Variants in PISD observed in about 807,000 individuals in gnomAD.
PISD encodes the protein phosphatidylserine decarboxylase proenzyme, mitochondrial.
Under a neutral mutation model 43.5 loss-of-function variants are expected in PISD, and 31 were observed. That is an observed-to-expected ratio of 0.71 (90% CI 0.54 to 0.96). The LOEUF (loss-of-function observed/expected upper bound fraction) is 0.96, where lower values mean the gene tolerates loss of function less well. Ranked by LOEUF, PISD falls within the 40% of genes least tolerant of loss-of-function variation. PISD has a pLI of 0.00. For synonymous variants in PISD, 259 were observed against 228.7 expected, an observed-to-expected ratio of 1.13 and a Z score of -1.20; for missense variants, 523 against 548.4, an observed-to-expected ratio of 0.95 and a Z score of 0.46.
chr22:31,646,798 T>C (rs1397871255), intron 3 of PISD, among the ~76,000 whole-genome samples: 1 of 152,198 alleles, frequency 6.6e-6, no homozygotes, highest in African/African-American at 2.4e-5. Flanking sequence ...GAGGGCAGCA[T>C]ACTTTGAAAG....
intron 3 of PISD, among the ~76,000 whole-genome samples, chr22:31,644,884 G>A (rs1474731096): frequency 4.6e-5 from 7 of 152,188 alleles, no homozygotes; most frequent in South Asian, 2.1e-4. Context: ...TAGCACTTTC[G>A]GAGGCCGAGG....
rs2073123292 is a variant in PISD at position 31,630,022 on chromosome 22, A to C, written c.322-8137T>G. The C allele has an allele frequency of 6.6e-6, 1 of 152,260 alleles. No homozygotes were observed. The highest frequency in any genetic ancestry group is 2.4e-5 in the African/African-American group (1 of 41,356). The allele number at this position is 152,260 out of a possible 1,614,324, so 9.4% of individuals were successfully genotyped here. A position where few individuals can be genotyped will look rare whatever the true frequency, so the allele number is the denominator to read the frequency against. On this transcript the variant is annotated intron_variant, in intron 3 of 7. Coordinates refer to ENST00000439502, the MANE Select transcript of PISD (RefSeq NM_001326411.2). The surrounding 1 kb of genome is among the most constrained non-coding windows in gnomAD (Gnocchi z 4.4). ...GGGGCAAGGGGCTGACTTTCTCCCC[A>C]GCTCAGCTGAGGCCTGGCCACCATG...
At chr22:31,636,279 T>C (rs991909547) in intron 3 of PISD, among the ~76,000 whole-genome samples, 3 of 152,164 alleles carry the variant, frequency 2.0e-5, no homozygotes, top group Admixed American at 6.6e-5. Context: ...TACTGTACTA[T>C]ACATTTTTTT....
intron 3 of PISD, among the ~76,000 whole-genome samples, chr22:31,626,944 C>A (rs1265220561): frequency 6.6e-6 from 1 of 152,238 alleles, no homozygotes; most frequent in African/African-American, 2.4e-5. Flanking sequence ...CAAGAGCTGC[C>A]ATCTAAAGCA....
rs149109296 is a variant in PISD, at chr22:31,623,692, C to A, written c.322-1807G>T. ...GGCCTGTGCACACTTACCCTGCTTA[C>A]GGGCCTCCATCCCACCCGGCTGAGC... On this transcript the variant is annotated intron_variant, in intron 3 of 7. Coordinates refer to ENST00000439502, the MANE Select transcript of PISD (RefSeq NM_001326411.2). The A allele has an allele frequency of 1.7e-4, 268 of 1,612,996 alleles. No individual in the cohort carries two copies. The highest frequency in any genetic ancestry group is 2.2e-4 in the Non-Finnish European group (265 of 1,179,508).
chr22:31,635,878 A>G (rs2073415905), intron 3 of PISD, among the ~76,000 whole-genome samples: 1 of 152,166 alleles, frequency 6.6e-6, no homozygotes, highest in African/African-American at 2.4e-5. Flanking sequence ...CAACTTGACT[A>G]TTTGCCCATT....
chr22:31,623,860 C>T, intron 3 of PISD: 1 of 1,610,188 alleles, frequency 6.2e-7, no homozygotes, highest in Non-Finnish European at 8.5e-7. Flanking sequence ...CTGCAGGGCA[C>T]AGGTCCATGC....
At chr22:31,625,545 C>A (rs1603398429) in intron 3 of PISD, 2 of 616,292 alleles carry the variant, frequency 3.2e-6, no homozygotes, top group East Asian at 2.8e-5. Flanking sequence ...CAGCCTCCCC[C>A]TGCTGGGCCC....
chr22:31,622,526 C>T (rs1023841979), intron 3 of PISD, among the ~76,000 whole-genome samples: 1 of 152,232 alleles, frequency 6.6e-6, no homozygotes, highest in African/African-American at 2.4e-5. Context: ...TGGATGCAGC[C>T]AGTCTGAGAA....
At chr22:31,624,931 C>T (rs1477558461) in intron 3 of PISD, among the ~76,000 whole-genome samples, 1 of 152,178 alleles carries the variant, frequency 6.6e-6, no homozygotes, top group Admixed American at 6.5e-5. Context: ...GCCCACCCCA[C>T]CCTGTCTGTG....
chr22:31,638,978 T>G (rs1156876634), intron 3 of PISD, among the ~76,000 whole-genome samples: 1 of 151,164 alleles, frequency 6.6e-6, no homozygotes, highest in Non-Finnish European at 1.5e-5. Flanking sequence ...GATGACAGAG[T>G]GAGAGCCTGT....
intron 3 of PISD, among the ~76,000 whole-genome samples, chr22:31,637,481 C>T (rs763097440): frequency 8.6e-5 from 13 of 151,958 alleles, no homozygotes; most frequent in African/African-American, 2.2e-4. Context: ...CCTGGTCTCA[C>T]GCCACTCTGA....
At chr22:31,650,635 C>G (rs899673328) in intron 2 of PISD, 64 bp downstream of exon 2, 1 of 934,964 alleles carries the variant, frequency 1.1e-6, no homozygotes. Flanking sequence ...TATGTTTATC[C>G]CAATTTACAG....
intron 3 of PISD, among the ~76,000 whole-genome samples, chr22:31,633,028 C>T (rs530142301): frequency 2.0e-5 from 3 of 152,332 alleles, no homozygotes; most frequent in African/African-American, 7.2e-5. Context: ...AAAGAAACTT[C>T]AGACCCCTTC....
At chr22:31,629,631 G>GGGGTGTGTGCATGA (rs1358495774) in intron 3 of PISD, 1 of 145,326 alleles carries the variant, frequency 6.9e-6, no homozygotes, top group Non-Finnish European at 1.5e-5. Context: ...GTGTAGGTAG[G>GGGGTGTGTGCATGA]GGGTGTGTGC....
chr22:31,648,380 A>G, intron 2 of PISD, 104 bp from the exon 3 acceptor site: 2 of 933,574 alleles, frequency 2.1e-6, no homozygotes, highest in Non-Finnish European at 3.3e-6. Flanking sequence ...AGCGCACCTC[A>G]GAAGCCCTCA....
chr22:31,638,758 AC>A, intron 3 of PISD: 1 of 222,926 alleles, frequency 4.5e-6, no homozygotes, highest in Non-Finnish European at 7.5e-6. Context: ...GGCAGCTGGG[AC>A]CAGAGGCACA....
intron 2 of PISD, 51 bp downstream of exon 2, chr22:31,650,648 G>C: frequency 9.3e-7 from 1 of 1,076,382 alleles, no homozygotes; most frequent in Non-Finnish European, 1.4e-6. Flanking sequence ...ATTTACAGAT[G>C]ACCAAACTGA....
At chr22:31,654,065 C>T (rs757418284) in intron 1 of PISD, among the ~76,000 whole-genome samples, 1 of 152,188 alleles carries the variant, frequency 6.6e-6, no homozygotes, top group Admixed American at 6.5e-5. Context: ...CCTCACCTCT[C>T]AGCCTCTCTT....
Sources: allele counts gnomAD v4.1 joint callset (sites outside exome capture counted in the v4.1 genomes callset), GRCh38; gene constraint gnomAD v4.1.1; non-coding constraint Gnocchi (gnomAD v3.1); transcripts MANE v1.5; gene names NCBI Gene and HGNC (gene_info 2026-07-23, HGNC 2026-07-21).